GRAMD4: variants seen among roughly 807,000 people sequenced by gnomAD.
GRAMD4 encodes the protein GRAM domain containing 4.
GRAMD4 carries 25 observed loss-of-function variants against 83.9 expected under a neutral mutation model. The ratio of observed to expected loss-of-function variants is 0.30; its 90% CI spans 0.22 to 0.42. The LOEUF (loss-of-function observed/expected upper bound fraction) is 0.42. GRAMD4 is among the 10% of genes least tolerant of loss of function. The probability of loss-of-function intolerance (pLI) is 1.00; values close to 1 mark genes in which losing one functional copy is unlikely to be tolerated. For synonymous variants in GRAMD4, 336 were observed against 320.9 expected (o/e 1.05, Z -0.50); for missense variants, 593 against 788.7 (o/e 0.75, Z 2.97).
At chr22:46,589,233 C>T (rs1277078800) in intron 1 of GRAMD4, among the ~76,000 whole-genome samples, 10 of 148,934 alleles carry the variant, frequency 6.7e-5, no homozygotes, top group Non-Finnish European at 4.4e-5. Flanking sequence ...TTAAAGAGGG[C>T]AGCCCTGGCT....
chr22:46,679,630 T>G lies in GRAMD4; in HGVS notation c.*2379T>G, dbSNP rs1047624338. Reference sequence around the variant, plus strand: ...TGGATCTGTAAATAATCATTGCCAGTGTGACTTTTGTTCAACAAAAGGATT... The same window carrying G: ...TGGATCTGTAAATAATCATTGCCAGGGTGACTTTTGTTCAACAAAAGGATT... On this transcript the variant is annotated 3_prime_UTR_variant, in exon 19 of 19. Transcript: ENST00000406902. 7.1e-6 allele frequency: 7 copies of G among 982,842 alleles called. No homozygotes were observed. The highest frequency in any genetic ancestry group is 5.2e-4 in the Middle Eastern group (1 of 1,930). 60.9% of individuals were successfully genotyped at this position (982,842 alleles called of 1,614,324 possible).
chr22:46,651,737 G>C (rs144424488), intron 3 of GRAMD4, among the ~76,000 whole-genome samples: 49 of 152,344 alleles, frequency 3.2e-4, no homozygotes, highest in African/African-American at 1.2e-3. Flanking sequence ...CATCCGTGCT[G>C]TTCACTGCGG....
intron 1 of GRAMD4, among the ~76,000 whole-genome samples, 189 bp from the exon 2 acceptor site, chr22:46,626,562 G>A (rs1045681428): frequency 5.9e-5 from 9 of 151,982 alleles, no homozygotes; most frequent in African/African-American, 9.7e-5. Context: ...AAGCTGGACC[G>A]GCCGTGCCCT....
chr22:46,658,069 C>G, intron 3 of GRAMD4, 118 bp from the exon 4 acceptor site: 1 of 1,278,268 alleles, frequency 7.8e-7, no homozygotes, highest in East Asian at 2.3e-5. Flanking sequence ...TGCTCAGGTC[C>G]GCTTACGGAG....
At chr22:46,603,513 C>CTTTTTTTTTTTTT (rs1569254347) in intron 1 of GRAMD4, among the ~76,000 whole-genome samples, 5 of 106,012 alleles carry the variant, frequency 4.7e-5, no homozygotes, top group African/African-American at 7.3e-5. Flanking sequence ...CCGGCCTCTT[C>CTTTTTTTTTTTTT]TCTTTTTTTT....
At chr22:46,579,431 GA>G (rs1239767606) in intron 1 of GRAMD4, among the ~76,000 whole-genome samples, 1 of 152,250 alleles carries the variant, frequency 6.6e-6, no homozygotes, top group Non-Finnish European at 1.5e-5. Context: ...CAGGCTCAAT[GA>G]AAAGAAAGTG....
intron 3 of GRAMD4, among the ~76,000 whole-genome samples, chr22:46,643,155 C>CCATGCATCCATCCATGCATGCATG (rs2082007431): frequency 1.1e-3 from 15 of 14,160 alleles, no homozygotes; most frequent in Non-Finnish European, 1.2e-3. Context: ...ATCCATCCAT[C>CCATGCATCCATCCATGCATGCATG]CATCCATCCA....
intron 1 of GRAMD4, among the ~76,000 whole-genome samples, chr22:46,608,763 CT>C (rs1287776541): frequency 2.6e-5 from 4 of 152,134 alleles, no homozygotes. Context: ...AATCCCAGCA[CT>C]TTGGGAGGCT....
At chr22:46,588,661 G>A (rs2081175536) in intron 1 of GRAMD4, among the ~76,000 whole-genome samples, 1 of 152,182 alleles carries the variant, frequency 6.6e-6, no homozygotes, top group South Asian at 2.1e-4. Flanking sequence ...TGGAGCTGCG[G>A]GGTGCCCACC....
intron 1 of GRAMD4, among the ~76,000 whole-genome samples, chr22:46,587,188 C>T (rs1398932284): frequency 6.6e-6 from 1 of 152,172 alleles, no homozygotes; most frequent in Admixed American, 6.5e-5. Context: ...AGTGGAGGCC[C>T]CTGTGATCTG....
intron 1 of GRAMD4, among the ~76,000 whole-genome samples, chr22:46,593,411 C>G (rs1166913285): frequency 6.6e-6 from 1 of 152,134 alleles, no homozygotes; most frequent in Non-Finnish European, 1.5e-5. Flanking sequence ...GGCAGGTGTT[C>G]TCTGACTGCC....
intron 1 of GRAMD4, among the ~76,000 whole-genome samples, chr22:46,599,035 G>T (rs2081287700): frequency 6.6e-6 from 1 of 152,126 alleles, no homozygotes. Context: ...GGAGGATGGG[G>T]GTCCCAGGGA....
At chr22:46,640,920 A>G (rs1601615590) in intron 3 of GRAMD4, among the ~76,000 whole-genome samples, 2 of 152,200 alleles carry the variant, frequency 1.3e-5, no homozygotes, top group African/African-American at 4.8e-5. Flanking sequence ...TGTTTTAAAA[A>G]CAAAAGCCAC....
At chr22:46,619,639 C>G (rs916005839), upstream of GRAMD4, among the ~76,000 whole-genome samples, 1 of 152,202 alleles carries the variant, frequency 6.6e-6, no homozygotes, top group Non-Finnish European at 1.5e-5. Context: ...CTGGCCGCCC[C>G]CGGTCCTCCT....
At chr22:46,605,348 A>T (rs1672532883) in intron 1 of GRAMD4, among the ~76,000 whole-genome samples, 2 of 152,246 alleles carry the variant, frequency 1.3e-5, no homozygotes, top group Non-Finnish European at 2.9e-5. Context: ...TTATTCGTTC[A>T]TCTGTTCATG....
At chr22:46,619,998 G>A (rs866790018), upstream of GRAMD4, among the ~76,000 whole-genome samples, 7 of 152,320 alleles carry the variant, frequency 4.6e-5, no homozygotes, top group Middle Eastern at 6.8e-3. Context: ...GCCAGCAGCC[G>A]GGCCCTGATG....
intron 4 of GRAMD4, among the ~76,000 whole-genome samples, chr22:46,661,029 CACAT>C (rs1359783475): frequency 7.9e-6 from 1 of 126,622 alleles, no homozygotes; most frequent in African/African-American, 3.5e-5. Context: ...GCCTGATAAA[CACAT>C]GTGTGTTGAT....
At chr22:46,642,614 C>T (rs1259347493) in intron 3 of GRAMD4, among the ~76,000 whole-genome samples, 1 of 152,140 alleles carries the variant, frequency 6.6e-6, no homozygotes, top group East Asian at 1.9e-4. Context: ...AGGGCTTGTC[C>T]CACTAGAAAG....
Position 46,668,616 on chromosome 22 carries a change from C to T in GRAMD4, c.931-73C>T, listed in dbSNP as rs551025211. On this transcript the variant is annotated intron_variant, in intron 11 of 18. Coordinates refer to ENST00000406902, the MANE Select transcript of GRAMD4 (RefSeq NM_015124.5). Reference sequence around the variant, plus strand: ...CCTCAGGGCTGCCCGACCTGGAGGCCCTCCTGGCGTCGCGGTGTGACTGAC... The same window carrying T: ...CCTCAGGGCTGCCCGACCTGGAGGCTCTCCTGGCGTCGCGGTGTGACTGAC... The T allele has an allele frequency of 3.8e-5, 54 of 1,407,346 alleles. No homozygotes were observed. The African/African-American group carries it at 7.6e-4, about 20-fold the overall frequency. 87.2% of individuals were successfully genotyped at this position (1,407,346 alleles called of 1,614,324 possible).
Sources: allele counts gnomAD v4.1 joint callset (sites outside exome capture counted in the v4.1 genomes callset), GRCh38; gene constraint gnomAD v4.1.1; transcripts MANE v1.5; gene names NCBI Gene and HGNC (gene_info 2026-07-23, HGNC 2026-07-21).